The following DLG2 variants were observed in gnomAD, a reference collection of about 807,000 sequenced individuals.
The protein encoded by DLG2 is discs large MAGUK scaffold protein 2, also known as disks large homolog 2.
Under a neutral mutation model 132.5 loss-of-function variants are expected in DLG2, and 45 were observed. That is an observed-to-expected ratio of 0.34 (90% CI 0.27 to 0.44). DLG2 has a LOEUF of 0.44. DLG2 is among the 20% of genes least tolerant of loss of function. The pLI is 1.00. For missense variants in DLG2, 1,045 were observed against 1,196.9 expected (o/e 0.87, Z 1.87); for synonymous variants, 424 against 419.6 (o/e 1.01, Z -0.13).
At chr11:84,031,221 T>G (rs1218746935) in intron 11 of DLG2, among the ~76,000 whole-genome samples, 1 of 121,110 alleles carries the variant, frequency 8.3e-6, no homozygotes, top group African/African-American at 2.9e-5. Context: ...CTCTCCTCTA[T>G]TCCAGAAAGG....
At chr11:84,703,695 A>G (rs2059435297) in intron 6 of DLG2, among the ~76,000 whole-genome samples, 1 of 151,244 alleles carries the variant, frequency 6.6e-6, no homozygotes, top group Non-Finnish European at 1.5e-5. Context: ...AATGAACATA[A>G]GCAAACTAGC....
intron 17 of DLG2, 91 bp from the exon 18 acceptor site, chr11:83,786,883 C>G (rs2040070832): frequency 1.1e-6 from 1 of 931,220 alleles, no homozygotes; most frequent in African/African-American, 1.6e-5. Context: ...GGCTGTCTAA[C>G]ATTATATCAC....
intron 8 of DLG2, among the ~76,000 whole-genome samples, chr11:84,208,627 A>G (rs1297775636): frequency 1.3e-5 from 2 of 152,164 alleles, no homozygotes; most frequent in Non-Finnish European, 2.9e-5. Flanking sequence ...TACAGGCATG[A>G]GCCACCACTC....
chr11:85,426,096 G>T (rs1018783796), intron 3 of DLG2, among the ~76,000 whole-genome samples: 3 of 152,322 alleles, frequency 2.0e-5, no homozygotes, highest in Non-Finnish European at 4.4e-5. Context: ...AGGGAGGGGC[G>T]CCCGCCATTG....
chr11:84,006,640 C>G (rs2094586380), intron 11 of DLG2, among the ~76,000 whole-genome samples: 1 of 151,410 alleles, frequency 6.6e-6, no homozygotes, highest in Admixed American at 6.6e-5. Flanking sequence ...ATCACACGTA[C>G]CCCATAAAGA....
At chr11:83,993,045 T>G (rs1440201846) in intron 11 of DLG2, among the ~76,000 whole-genome samples, 3 of 152,154 alleles carry the variant, frequency 2.0e-5, no homozygotes, top group African/African-American at 7.2e-5. Context: ...GTTCTAGGTT[T>G]TTTTCCTCCA....
intron 9 of DLG2, among the ~76,000 whole-genome samples, chr11:84,118,949 T>C (rs907805128): frequency 7.2e-5 from 11 of 152,264 alleles, no homozygotes; most frequent in Admixed American, 7.2e-4. Context: ...CAATCCTTTG[T>C]GAATACACTT....
At chr11:83,795,229 C>T (rs1469442541) in intron 17 of DLG2, among the ~76,000 whole-genome samples, 2 of 151,884 alleles carry the variant, frequency 1.3e-5, no homozygotes, top group East Asian at 3.9e-4. Flanking sequence ...CATGGCGAAA[C>T]CCCGTCTCTA....
intron 19 of DLG2, among the ~76,000 whole-genome samples, chr11:83,609,068 T>C (rs952132077): frequency 6.6e-6 from 1 of 152,106 alleles, no homozygotes; most frequent in Non-Finnish European, 1.5e-5. Flanking sequence ...TTTCATATGG[T>C]TTAACCTAAT....
intron 3 of DLG2, among the ~76,000 whole-genome samples, chr11:85,306,864 G>A (rs771238212): frequency 5.3e-5 from 8 of 152,128 alleles, no homozygotes; most frequent in Non-Finnish European, 7.4e-5. Flanking sequence ...GAGCCACCAC[G>A]CCTGGCCAGT....
At chr11:84,693,405 A>T (rs2058263957) in intron 6 of DLG2, among the ~76,000 whole-genome samples, 1 of 151,742 alleles carries the variant, frequency 6.6e-6, no homozygotes, top group Non-Finnish European at 1.5e-5. Context: ...ATGACATGTC[A>T]TGAAGGCAAA....
At chr11:83,782,127 G>A (rs2094854118) in intron 18 of DLG2, among the ~76,000 whole-genome samples, 1 of 152,108 alleles carries the variant, frequency 6.6e-6, no homozygotes, top group African/African-American at 2.4e-5. Flanking sequence ...AAACCAAAAG[G>A]CACCATCTAA....
chr11:85,459,736 C>A (rs529569122), intron 3 of DLG2, among the ~76,000 whole-genome samples: 2 of 152,284 alleles, frequency 1.3e-5, no homozygotes, highest in African/African-American at 4.8e-5. Flanking sequence ...ACTGCAGCTG[C>A]AATTCCAGAG....
chr11:85,508,370 T>A (rs2093982327), intron 3 of DLG2, among the ~76,000 whole-genome samples: 3 of 152,058 alleles, frequency 2.0e-5, no homozygotes, highest in African/African-American at 4.8e-5. Flanking sequence ...GCCCTTGCAC[T>A]TGCTATTCCC....
intron 3 of DLG2, among the ~76,000 whole-genome samples, chr11:85,377,803 A>ATATG (rs35141583): frequency 0.19 from 24,312 of 131,056 alleles, 2,555 homozygotes; most frequent in Non-Finnish European, 0.23. Flanking sequence ...ATATATATAT[A>ATATG]TGTGTGTGTG....
chr11:84,598,381 G>C (rs1389657611), intron 6 of DLG2, among the ~76,000 whole-genome samples: 1 of 152,104 alleles, frequency 6.6e-6, no homozygotes, highest in African/African-American at 2.4e-5. Flanking sequence ...TTTGAGGGTT[G>C]GATTAAGAAA....
intron 6 of DLG2, among the ~76,000 whole-genome samples, chr11:84,860,317 A>G (rs2083435676): frequency 6.6e-6 from 1 of 152,038 alleles, no homozygotes; most frequent in Middle Eastern, 3.2e-3. Flanking sequence ...TTCTGTCACC[A>G]CCTCAACACT....
At chr11:84,888,367 C>T (rs148153339) in intron 6 of DLG2, among the ~76,000 whole-genome samples, 245 of 152,244 alleles carry the variant, frequency 1.6e-3, no homozygotes, top group Non-Finnish European at 2.8e-3. Context: ...GCTGGGCTAT[C>T]TATCTTTTCC....
chr11:84,372,567 CATT>C (rs2098710749), intron 7 of DLG2, among the ~76,000 whole-genome samples: 1 of 152,148 alleles, frequency 6.6e-6, no homozygotes, highest in South Asian at 2.1e-4. Context: ...TGCTTAGAAA[CATT>C]ATAGGCAAAG....
Sources: gnomAD v4.1 joint callset for allele counts (sites outside exome capture counted in the v4.1 genomes callset) on GRCh38, gnomAD v4.1.1 for gene constraint, MANE v1.5 for transcripts, NCBI Gene and HGNC (gene_info 2026-07-23, HGNC 2026-07-21) for gene names.